TULP4: variants seen among roughly 807,000 people sequenced by gnomAD.
TULP4 encodes the protein TUB like protein 4.
TULP4 carries 16 observed loss-of-function variants against 129.0 expected under a neutral mutation model. That is an observed-to-expected ratio of 0.12 (90% CI 0.08 to 0.19). TULP4 has a LOEUF of 0.19. TULP4 is among the 10% of genes least tolerant of loss of function. The probability of loss-of-function intolerance (pLI) is 1.00; values close to 1 mark genes in which losing one functional copy is unlikely to be tolerated. For missense variants in TULP4, 1,842 were observed against 2,059.1 expected (o/e 0.89, Z 2.04); for synonymous variants, 998 against 854.0 (o/e 1.17, Z -2.94).
chr6:158,475,263 C>T (rs1000100374), intron 6 of TULP4, among the ~76,000 whole-genome samples: 1 of 152,234 alleles, frequency 6.6e-6, no homozygotes, highest in Admixed American at 6.5e-5. Context: ...ATGGGCCACT[C>T]GCCTCCAGCA....
intron 3 of TULP4, 134 bp from the exon 4 acceptor site, chr6:158,448,862 G>GTGC (rs1779106937): frequency 8.3e-6 from 7 of 845,608 alleles, no homozygotes; most frequent in South Asian, 5.9e-5. Flanking sequence ...TTGTGTCACT[G>GTGC]TGCTGTTGTT....
chr6:158,460,565 T>C (rs1035572163), intron 5 of TULP4, among the ~76,000 whole-genome samples: 7 of 152,210 alleles, frequency 4.6e-5, no homozygotes, highest in African/African-American at 1.4e-4. Flanking sequence ...TAACCATTTC[T>C]TATAGGCACT....
intron 9 of TULP4, among the ~76,000 whole-genome samples, chr6:158,491,544 G>A (rs1042044204): frequency 2.1e-4 from 32 of 151,304 alleles, no homozygotes; most frequent in Admixed American, 1.6e-3. Flanking sequence ...CCAGGCTGGC[G>A]TGCAGTGGCA....
chr6:158,416,109 G>C lies in TULP4; in HGVS notation c.381+2916G>C, dbSNP rs549998221. The stretch of plus-strand genomic sequence containing the variant: ...CATCCAGCACGGGAGAGAGATGAAG[G>C]CTGGAAGACTCTGCAAGTCATTCTT... On this transcript the variant is annotated intron_variant, in intron 2 of 13. Transcript: ENST00000367097. Among the ~76,000 whole-genome samples, 17 of 152,314 alleles carry C rather than the reference G, an allele frequency of 1.1e-4. 1 individual carries two copies. The South Asian group carries it at 3.5e-3, about 32-fold the overall frequency.
At chr6:158,457,518 A>G (rs900209133) in intron 5 of TULP4, among the ~76,000 whole-genome samples, 2 of 152,198 alleles carry the variant, frequency 1.3e-5, no homozygotes, top group Non-Finnish European at 2.9e-5. Context: ...CGCAATAAGC[A>G]GGGAATTGAT....
chr6:158,391,673 C>T (rs144841700), intron 1 of TULP4, among the ~76,000 whole-genome samples: 7 of 152,308 alleles, frequency 4.6e-5, no homozygotes, highest in Admixed American at 2.0e-4. Flanking sequence ...TGAATAGGGA[C>T]GGGCTACTTT....
At chr6:158,299,146 G>A (rs986060474) in intron 1 of TULP4, among the ~76,000 whole-genome samples, 6 of 152,006 alleles carry the variant, frequency 3.9e-5, no homozygotes, top group African/African-American at 2.4e-5. Context: ...GTCGGGGTGG[G>A]GGGTAATGCC....
chr6:158,454,027 C>CCT (rs1583894810), intron 5 of TULP4, among the ~76,000 whole-genome samples: 1 of 148,812 alleles, frequency 6.7e-6, no homozygotes, highest in African/African-American at 2.5e-5. Context: ...CACCGCCCCC[C>CCT]CCCAAGTAAT....
intron 1 of TULP4, among the ~76,000 whole-genome samples, chr6:158,263,479 A>G (rs1027200725): frequency 6.6e-6 from 1 of 152,240 alleles, no homozygotes; most frequent in East Asian, 1.9e-4. Flanking sequence ...TATTAGTGCT[A>G]TTGATGGAGG....
chr6:158,320,421 A>G (rs1467020909), intron 1 of TULP4, among the ~76,000 whole-genome samples: 1 of 148,242 alleles, frequency 6.7e-6, no homozygotes, highest in Non-Finnish European at 1.5e-5. Flanking sequence ...ACTGATTGTC[A>G]TTTAACAGGA....
chr6:158,405,351 C>T (rs1268912227), intron 1 of TULP4, among the ~76,000 whole-genome samples: 2 of 152,176 alleles, frequency 1.3e-5, no homozygotes. Context: ...TTAGAAAAGA[C>T]AGTTTGAGAG....
intron 6 of TULP4, 76 bp from the exon 7 acceptor site, chr6:158,479,670 TCGAGA>T (rs1280600754): frequency 7.5e-7 from 1 of 1,329,390 alleles, no homozygotes; most frequent in Non-Finnish European, 1.0e-6. Flanking sequence ...TTTATTTTGC[TCGAGA>T]CAAGTGTGCA....
intron 8 of TULP4, 23 bp downstream of exon 8, chr6:158,481,312 T>G (rs1438701302): frequency 5.6e-6 from 9 of 1,597,162 alleles, no homozygotes; most frequent in Non-Finnish European, 7.7e-6. Context: ...CCCGAGGGAC[T>G]GGGACCTTGT....
chr6:158,378,484 T>TTTTTTTG (rs1232571783), intron 1 of TULP4, among the ~76,000 whole-genome samples: 4 of 129,212 alleles, frequency 3.1e-5, no homozygotes, highest in South Asian at 2.8e-4. Flanking sequence ...TTTTTTTTTT[T>TTTTTTTG]TGGTGGGGGT....
chr6:158,389,364 A>G (rs1173167170), intron 1 of TULP4, among the ~76,000 whole-genome samples: 1 of 152,118 alleles, frequency 6.6e-6, no homozygotes, highest in Non-Finnish European at 1.5e-5. Context: ...AAGTGGTAGG[A>G]CTGCTTGAGC....
Position 158,254,198 on chromosome 6 carries a change from A to ATG in TULP4, n.68+21895_68+21896insTG, listed in dbSNP as rs555752846. ...TGCTCTGTGGCCCAGGCTGGAGTGCAATGGCATGATCTCGGCTCACTGCAG... is the reference window on the plus strand; with the variant it reads ...TGCTCTGTGGCCCAGGCTGGAGTGCATGATGGCATGATCTCGGCTCACTGCAG... On this transcript the variant is annotated intron_variant and non_coding_transcript_variant, in intron 1 of 1. Transcript: ENST00000620026. 7.5e-4 allele frequency among the ~76,000 whole-genome samples: 114 copies of ATG among 152,244 alleles called. 1 individual carries two copies. The South Asian group carries it at 0.023, about 30-fold the overall frequency.
At chr6:158,253,138 G>T (rs1437588693) in intron 1 of TULP4, among the ~76,000 whole-genome samples, 1 of 152,184 alleles carries the variant, frequency 6.6e-6, no homozygotes, top group Non-Finnish European at 1.5e-5. Context: ...AAGATGTTTT[G>T]CTCTCACTCT....
intron 1 of TULP4, among the ~76,000 whole-genome samples, chr6:158,262,785 G>A (rs548626744): frequency 6.6e-6 from 1 of 152,264 alleles, no homozygotes; most frequent in East Asian, 1.9e-4. Flanking sequence ...ACATCATTTG[G>A]CACCCTGCGA....
intron 2 of TULP4, among the ~76,000 whole-genome samples, chr6:158,423,800 C>G (rs1271487320): frequency 1.3e-5 from 2 of 151,988 alleles, no homozygotes; most frequent in African/African-American, 4.8e-5. Flanking sequence ...GCCACCACAC[C>G]CGGCTAATTT....
Sources: allele counts gnomAD v4.1 joint callset (sites outside exome capture counted in the v4.1 genomes callset), GRCh38; gene constraint gnomAD v4.1.1; transcripts MANE v1.5; gene names NCBI Gene and HGNC (gene_info 2026-07-23, HGNC 2026-07-21).